The following WDR49 variants were observed in gnomAD, a reference collection of about 807,000 sequenced individuals.
WDR49 encodes cilia- and flagella-associated protein 337.
WDR49 carries 107 observed loss-of-function variants against 119.5 expected under a neutral mutation model. The ratio of observed to expected loss-of-function variants is 0.90; its 90% CI spans 0.77 to 1.05. The LOEUF is 1.05. Ranked by LOEUF, WDR49 falls within the 50% of genes least tolerant of loss-of-function variation. The pLI is 0.00. For synonymous variants in WDR49, 425 were observed against 418.8 expected, an observed-to-expected ratio of 1.01 and a Z score of -0.18; for missense variants, 1,240 against 1,220.5, an observed-to-expected ratio of 1.02 and a Z score of -0.24.
intron 6 of WDR49, 35 bp from the exon 7 acceptor site, chr3:167,602,310 A>G: frequency 6.6e-7 from 1 of 1,513,688 alleles, no homozygotes; most frequent in Non-Finnish European, 9.0e-7. Flanking sequence ...AATGTTTTTA[A>G]TAGCATGAAT....
chr3:167,645,304 G>A (rs907094245), intron 2 of WDR49, among the ~76,000 whole-genome samples: 28 of 151,944 alleles, frequency 1.8e-4, no homozygotes, highest in African/African-American at 5.8e-4. Context: ...TTCACCTCCC[G>A]GGTTCAAGCA....
rs536967333 is a variant in WDR49, at chr3:167,570,056, T to C, written c.1509+5862A>G. Among the ~76,000 whole-genome samples, 5 of 151,628 alleles carry C rather than the reference T, an allele frequency of 3.3e-5. No homozygotes were observed. In the East Asian group the frequency reaches 9.7e-4, roughly 29 times the overall value. On this transcript the variant is annotated intron_variant, in intron 8 of 18. Transcript: ENST00000682715. Reference sequence around the variant, plus strand: ...ACTTCTTATGTTTCCATCAAGTGACTACAGCACACAGCCTCAGAACTGACA... The same window carrying C: ...ACTTCTTATGTTTCCATCAAGTGACCACAGCACACAGCCTCAGAACTGACA...
Position 167,536,999 on chromosome 3 carries a change from C to A in WDR49, c.1825G>T (p.Ala609Ser), listed in dbSNP as rs1398225840. ...DYASWKTIGR[A>S]ITVFRPQNFN... ...TTTTGGGGTCGAAACACAGTAATAGCCCTAGCAAAAAGGATATAGAATTTA... is the reference window on the plus strand; with the variant it reads ...TTTTGGGGTCGAAACACAGTAATAGACCTAGCAAAAAGGATATAGAATTTA... Residue 609 changes from alanine to serine, a missense_variant and splice_region_variant, in exon 11 of 19, where the codon GCT becomes TCT. Coordinates refer to ENST00000682715, the MANE Select transcript of WDR49 (RefSeq NM_001366157.1). 3 of 1,573,058 alleles carry A rather than the reference C, an allele frequency of 1.9e-6. No individual in the cohort carries two copies. Among genetic ancestry groups the A allele is most frequent in the South Asian group, 1.2e-5 (1 of 83,386 alleles).
Position 167,522,453 on chromosome 3 carries a change from A to C in WDR49, c.2636T>G (p.Phe879Cys). 1 of 1,602,188 alleles carries C rather than the reference A, an allele frequency of 6.2e-7. No individual in the cohort carries two copies. The highest frequency in any genetic ancestry group is 1.3e-5 in the African/African-American group (1 of 74,180). ...TAAATTAGTATCTCTTTTAGGAAGG[A>C]AAAGGCAGTTTTCAATATGCCAGTG... ...AKHWHIENCL[F>C]LPKRDTNLVE... is the part of the protein sequence containing the mutation. Residue 879 changes from phenylalanine to cysteine, a missense_variant, in exon 16 of 19, where the codon TTC becomes TGC. Transcript: ENST00000682715.
At chr3:167,485,347 A>C (rs1192372218) in intron 18 of WDR49, among the ~76,000 whole-genome samples, 2 of 152,030 alleles carry the variant, frequency 1.3e-5, no homozygotes, top group Non-Finnish European at 2.9e-5. Context: ...GTATCCTAGA[A>C]CTCAAAGTAA....
Position 167,481,636 on chromosome 3 carries a change from A to T in WDR49, c.3032-2640T>A, listed in dbSNP as rs997045524. Among the ~76,000 whole-genome samples the T allele has an allele frequency of 2.6e-5, 4 of 152,200 alleles. No homozygotes were observed. The East Asian group carries it at 7.7e-4, about 29-fold the overall frequency. Reference sequence around the variant, plus strand: ...GACACACCCGAAACTGGGGATAAAAAAGCTTTAATTGGACTTAATAGTTTC... The same window carrying T: ...GACACACCCGAAACTGGGGATAAAATAGCTTTAATTGGACTTAATAGTTTC... On this transcript the variant is annotated intron_variant, in intron 18 of 18. Transcript: ENST00000682715.
intron 11 of WDR49, among the ~76,000 whole-genome samples, chr3:167,536,244 AGATAT>A (rs1476660406): frequency 6.6e-6 from 1 of 152,150 alleles, no homozygotes; most frequent in Non-Finnish European, 1.5e-5. Flanking sequence ...CTCATCACTA[AGATAT>A]GATATATGTG....
At chr3:167,629,113 T>C (rs1438029898) in intron 2 of WDR49, among the ~76,000 whole-genome samples, 1 of 152,004 alleles carries the variant, frequency 6.6e-6, no homozygotes, top group Non-Finnish European at 1.5e-5. Flanking sequence ...AGAAATGAGT[T>C]GGGCATCGTG....
At chr3:167,600,171 G>A (rs908382137) in intron 7 of WDR49, among the ~76,000 whole-genome samples, 8 of 152,072 alleles carry the variant, frequency 5.3e-5, no homozygotes. Context: ...GAAGGAAGGG[G>A]TCTCTTTCGA....
chr3:167,636,160 T>C (rs1368784107), intron 2 of WDR49, among the ~76,000 whole-genome samples: 2 of 151,574 alleles, frequency 1.3e-5, no homozygotes, highest in Non-Finnish European at 3.0e-5. Flanking sequence ...TGTATCATTC[T>C]TACGCCTTTG....
Position 167,505,305 on chromosome 3 carries a change from A to C in WDR49, c.2884+2T>G, listed in dbSNP as rs778355908. 6.7e-7 allele frequency: 1 copy of C among 1,502,186 alleles called. No homozygotes were observed. Among genetic ancestry groups the C allele is most frequent in the Non-Finnish European group, 8.8e-7 (1 of 1,133,300 alleles). The allele number at this position is 1,502,186 out of a possible 1,614,324, so 93.1% of individuals were successfully genotyped here. On this transcript the variant is annotated splice_donor_variant, in intron 17 of 18. Coordinates refer to ENST00000682715, the MANE Select transcript of WDR49 (RefSeq NM_001366157.1). LOFTEE classifies it high-confidence loss of function. ...AATACATTAACAACAGTGACTACTTACTGAATGATTTTTTTATAACTTCAC... is the reference window on the plus strand; with the variant it reads ...AATACATTAACAACAGTGACTACTTCCTGAATGATTTTTTTATAACTTCAC...
In WDR49 at chr3:167,478,883, T is replaced by A. The variant is rs1478970821; in HGVS notation, c.3145A>T (p.Lys1049Ter). Reference sequence around the variant, plus strand: ...TGAAGGTTTTTCTGTTGTAATTACTTCTTATTTTTCTTCACTTCACAACTT... The same window carrying A: ...TGAAGGTTTTTCTGTTGTAATTACTACTTATTTTTCTTCACTTCACAACTT... ...EKSCEVKKNK[K>*] The change falls in exon 19 of 19, where the codon AAG becomes TAG. Residue 1049 changes from lysine to a stop codon, truncating the protein, a stop_gained. Transcript: ENST00000682715. LOFTEE classifies it high-confidence loss of function. 6.3e-7 allele frequency: 1 copy of A among 1,599,302 alleles called. No individual in the cohort carries two copies. Among genetic ancestry groups the A allele is most frequent in the Non-Finnish European group, 8.5e-7 (1 of 1,173,308 alleles).
intron 18 of WDR49, among the ~76,000 whole-genome samples, chr3:167,496,907 C>T (rs1406806015): frequency 6.8e-6 from 1 of 148,094 alleles, no homozygotes; most frequent in South Asian, 2.1e-4. Context: ...TTGACTTTAC[C>T]TCTACTAACG....
chr3:167,575,875 T>G, intron 8 of WDR49, 43 bp downstream of exon 8: 27 of 1,581,768 alleles, frequency 1.7e-5, no homozygotes, highest in Non-Finnish European at 2.1e-5. Flanking sequence ...CCTCTGGACT[T>G]GGAGATATGT....
rs1336553930 is a variant in WDR49, at chr3:167,576,354, T to C, written c.1276-203A>G. 2.6e-5 allele frequency among the ~76,000 whole-genome samples: 4 copies of C among 152,276 alleles called. No individual in the cohort carries two copies. In the East Asian group the frequency reaches 7.7e-4, roughly 29 times the overall value. On this transcript the variant is annotated intron_variant, in intron 7 of 18. Transcript: ENST00000682715. ...ATATCTCCTAAATTGTAAGCTCCTC[T>C]AGGAAAGGGGTTGGGTTCTATTTCA...
chr3:167,481,563 T>C (rs548719425), intron 18 of WDR49, among the ~76,000 whole-genome samples: 3 of 152,220 alleles, frequency 2.0e-5, no homozygotes, highest in African/African-American at 7.2e-5. Flanking sequence ...AACAAACATA[T>C]AATTAGAGTA....
Position 167,624,302 on chromosome 3 carries a change from A to G in WDR49, c.606+2550T>C, listed in dbSNP as rs187703434. Among the ~76,000 whole-genome samples the G allele has an allele frequency of 2.3e-3, 343 of 151,924 alleles. 1 individual carries two copies. The highest frequency in any genetic ancestry group is 7.7e-3 in the African/African-American group (320 of 41,500). On this transcript the variant is annotated intron_variant, in intron 3 of 18. Coordinates refer to ENST00000682715, the MANE Select transcript of WDR49 (RefSeq NM_001366157.1). The stretch of plus-strand genomic sequence containing the variant: ...CAGAGCAATAAAAAAAACTAGTAGT[A>G]TACCTCAAAACGTGGATAATTCTCA...
At chr3:167,572,355 G>C (rs1045895989) in intron 8 of WDR49, among the ~76,000 whole-genome samples, 2 of 152,186 alleles carry the variant, frequency 1.3e-5, no homozygotes, top group Non-Finnish European at 2.9e-5. Context: ...AATGTTCCAA[G>C]CTGCTTTTAT....
intron 10 of WDR49, among the ~76,000 whole-genome samples, chr3:167,545,509 T>TATATATATATATATATATATATTA (rs535132359): frequency 1.8e-5 from 2 of 108,298 alleles, no homozygotes; most frequent in African/African-American, 6.6e-5. Context: ...ATATTATATA[T>TATATATATATATATATATATATTA]TATATATATA....
Sources: allele counts gnomAD v4.1 joint callset (sites outside exome capture counted in the v4.1 genomes callset), GRCh38; gene constraint gnomAD v4.1.1; transcripts MANE v1.5; gene names NCBI Gene and HGNC (gene_info 2026-07-23, HGNC 2026-07-21).